The following LRRC7 variants were observed in gnomAD, a reference collection of about 807,000 sequenced individuals.
LRRC7 encodes leucine-rich repeat-containing protein 7.
LRRC7 carries 23 observed loss-of-function variants against 175.7 expected under a neutral mutation model. The observed-to-expected ratio is 0.13, with a 90% CI of 0.09 to 0.19. LRRC7 has a LOEUF of 0.19. Ranked by LOEUF, LRRC7 falls within the 10% of genes least tolerant of loss-of-function variation. LRRC7 has a pLI of 1.00. For synonymous variants in LRRC7, 685 were observed against 680.9 expected (o/e 1.01, Z -0.09); for missense variants, 1,354 against 1,904.7 (o/e 0.71, Z 5.38).
At chr1:69,608,836 C>G (rs975302168) in intron 1 of LRRC7, among the ~76,000 whole-genome samples, 45 of 40,910 alleles carry the variant, frequency 1.1e-3, no homozygotes, top group East Asian at 8.9e-3. Flanking sequence ...CTCTCTCTCT[C>G]TCTCTCTCTC....
chr1:70,064,938 A>T (rs17462162), intron 23 of LRRC7, among the ~76,000 whole-genome samples: 7 of 151,890 alleles, frequency 4.6e-5, no homozygotes, highest in Admixed American at 3.3e-4. Context: ...CCTTTTCTTC[A>T]TATTGAATTT....
chr1:69,649,514 A>G (rs1339105635), intron 1 of LRRC7, among the ~76,000 whole-genome samples: 1 of 152,212 alleles, frequency 6.6e-6, no homozygotes, highest in Non-Finnish European at 1.5e-5. Context: ...TTAAATATCT[A>G]GAGCATTCAA....
At chr1:69,873,321 A>T (rs1445601706) in intron 7 of LRRC7, 3 of 398,936 alleles carry the variant, frequency 7.5e-6, no homozygotes, top group African/African-American at 6.2e-5. Flanking sequence ...CAAAAATATT[A>T]CTTAAAACCT....
intron 1 of LRRC7, among the ~76,000 whole-genome samples, chr1:69,670,701 G>A (rs1445265017): frequency 1.3e-5 from 2 of 152,122 alleles, no homozygotes; most frequent in Non-Finnish European, 2.9e-5. Context: ...TTTACTGTAG[G>A]TGAGCTGGCA....
At chr1:70,063,608 T>C (rs1661745704) in intron 23 of LRRC7, among the ~76,000 whole-genome samples, 1 of 152,078 alleles carries the variant, frequency 6.6e-6, no homozygotes, top group African/African-American at 2.4e-5. Context: ...TAAGATTCCA[T>C]TTCTTGCCAC....
intron 2 of LRRC7, among the ~76,000 whole-genome samples, chr1:69,688,937 T>C (rs1270920331): frequency 6.6e-6 from 1 of 152,176 alleles, no homozygotes; most frequent in Non-Finnish European, 1.5e-5. Context: ...CTATACATAC[T>C]CAACTATCCC....
Position 69,986,272 on chromosome 1 carries a change from C to A in LRRC7, c.817C>A (p.Leu273Met). 1 of 1,613,272 alleles carries A rather than the reference C, an allele frequency of 6.2e-7. No individual in the cohort carries two copies. The highest frequency in any genetic ancestry group is 8.5e-7 in the Non-Finnish European group (1 of 1,179,544). Residue 273 changes from leucine (L) to methionine (M), a missense_variant, in exon 10 of 27, where the codon CTG becomes ATG. This residue lies in a region of LRRC7 where 201 missense variants were observed against 481.4 expected (regional missense o/e 0.42). Coordinates refer to ENST00000651989, the MANE Select transcript of LRRC7 (RefSeq NM_001370785.2). ...SIGKLKMLVY[L>M]DMSKNRIETV... ...AGGGAAGTTAAAGATGTTGGTATAC[C>A]TGGATATGTCAAAAAACAGAATAGA...
Position 69,568,644 on chromosome 1 carries a change from G to A in LRRC7, c.2+3G>A, listed in dbSNP as rs1180135207. On this transcript the variant is annotated splice_donor_region_variant and intron_variant, in intron 1 of 26. Coordinates refer to ENST00000651989, the MANE Select transcript of LRRC7 (RefSeq NM_001370785.2). ...GGGCAGTTTCTCCCGCCGGCGATGT[G>A]AGTAAGGCACGCTCGCTCCGTGGCG... The A allele has an allele frequency of 7.4e-7, 1 of 1,350,042 alleles. No individual in the cohort carries two copies. The highest frequency in any genetic ancestry group is 1.5e-5 in the African/African-American group (1 of 65,862). 83.6% of individuals were successfully genotyped at this position (1,350,042 alleles called of 1,614,324 possible).
intron 17 of LRRC7, 36 bp downstream of exon 17, chr1:70,023,410 T>C (rs1228544081): frequency 2.0e-6 from 3 of 1,510,346 alleles, no homozygotes; most frequent in African/African-American, 2.8e-5. Context: ...GAATCTCCCA[T>C]GTAGAGGCAA....
chr1:69,729,112 C>T (rs549684188), intron 2 of LRRC7, among the ~76,000 whole-genome samples: 161 of 152,190 alleles, frequency 1.1e-3, no homozygotes, highest in African/African-American at 3.6e-3. Flanking sequence ...AGGGGGTAAC[C>T]GCCCTCATGA....
At chr1:70,097,605 TC>T (rs1361717580) in intron 25 of LRRC7, among the ~76,000 whole-genome samples, 1 of 92,082 alleles carries the variant, frequency 1.1e-5, no homozygotes, top group East Asian at 3.9e-4. Context: ...ATGCTATCCC[TC>T]CCCCCTCCCC....
rs190727999 is a variant in LRRC7 at position 69,900,328 on chromosome 1, T to C, written c.648-31179T>C. Among the ~76,000 whole-genome samples the C allele has an allele frequency of 9.2e-5, 14 of 152,300 alleles. No homozygotes were observed. The East Asian group carries it at 2.5e-3, about 27-fold the overall frequency. ...AGGTTCCATTTAGTTTTGGTCCTTATCATAAAACCCAGAATCTACATCTGT... is the reference window on the plus strand; with the variant it reads ...AGGTTCCATTTAGTTTTGGTCCTTACCATAAAACCCAGAATCTACATCTGT... On this transcript the variant is annotated intron_variant, in intron 7 of 26. Transcript: ENST00000651989.
intron 4 of LRRC7, among the ~76,000 whole-genome samples, chr1:69,823,627 C>G (rs1159460061): frequency 6.6e-6 from 1 of 152,100 alleles, no homozygotes; most frequent in Non-Finnish European, 1.5e-5. Flanking sequence ...TTTCAGCACA[C>G]TAATTCTTTT....
In LRRC7 at chr1:70,136,093, GT is replaced by G. The variant is rs1666860247; in HGVS notation, c.*14207del. On this transcript the variant is annotated 3_prime_UTR_variant, in exon 27 of 27. Coordinates refer to ENST00000651989, the MANE Select transcript of LRRC7 (RefSeq NM_001370785.2). ...TGTGTGTCTGTGTGTGTGTGTGTGT[GT>G]GTGTCTATATATCTTATCAGGCAAT... Among the ~76,000 whole-genome samples the G allele has an allele frequency of 6.7e-6, 1 of 149,798 alleles. No individual in the cohort carries two copies. Among genetic ancestry groups the G allele is most frequent in the Non-Finnish European group, 1.5e-5 (1 of 67,678 alleles).
chr1:69,750,202 T>A (rs1669711625), intron 2 of LRRC7, among the ~76,000 whole-genome samples: 1 of 151,960 alleles, frequency 6.6e-6, no homozygotes, highest in South Asian at 2.1e-4. Context: ...GAGGAAAGGT[T>A]GGTTAATGGG....
intron 7 of LRRC7, among the ~76,000 whole-genome samples, chr1:69,911,422 T>A (rs981347933): frequency 5.3e-5 from 8 of 152,196 alleles, no homozygotes; most frequent in Admixed American, 6.5e-5. Context: ...CCATCAACAG[T>A]GTTTAAGTGT....
At chr1:69,642,816 A>ATAGATAGG (rs1328967921) in intron 1 of LRRC7, among the ~76,000 whole-genome samples, 1 of 140,460 alleles carries the variant, frequency 7.1e-6, no homozygotes, top group East Asian at 2.3e-4. Context: ...TGATACATAG[A>ATAGATAGG]TAGATAGATA....
intron 7 of LRRC7, among the ~76,000 whole-genome samples, chr1:69,916,511 G>A (rs1440531133): frequency 6.6e-6 from 1 of 151,506 alleles, no homozygotes; most frequent in Non-Finnish European, 1.5e-5. Context: ...TCCACAATAA[G>A]TAAACTAACG....
At chr1:69,595,730 C>G (rs1038001568) in intron 1 of LRRC7, among the ~76,000 whole-genome samples, 1 of 152,042 alleles carries the variant, frequency 6.6e-6, no homozygotes, top group East Asian at 1.9e-4. Flanking sequence ...TTCCTCATTT[C>G]GACAACATTT....
Sources: allele counts gnomAD v4.1 joint callset (sites outside exome capture counted in the v4.1 genomes callset), GRCh38; gene constraint gnomAD v4.1.1; regional missense constraint gnomAD v4.1.1; transcripts MANE v1.5; gene names NCBI Gene and HGNC (gene_info 2026-07-23, HGNC 2026-07-21).